Variants in PCDH11X observed in about 807,000 individuals in gnomAD.
The protein encoded by PCDH11X is protocadherin-11 X-linked.
Under a neutral mutation model 53.3 loss-of-function variants are expected in PCDH11X, and 18 were observed. The ratio of observed to expected loss-of-function variants is 0.34; its 90% confidence interval spans 0.23 to 0.50. The LOEUF (loss-of-function observed/expected upper bound fraction) is 0.50, where lower values mean the gene tolerates loss of function less well. PCDH11X is among the 20% of genes least tolerant of loss of function. The pLI is 0.98. For missense variants in PCDH11X, 570 were observed against 1,032.4 expected (o/e 0.55, Z 6.14); for synonymous variants, 279 against 393.3 (o/e 0.71, Z 3.44).
intron 8 of PCDH11X, among the ~76,000 whole-genome samples, chrX:92,350,559 G>A (rs12848607): frequency 2.7e-5 from 3 of 111,686 alleles, no homozygotes; most frequent in Admixed American, 9.5e-5. Flanking sequence ...GATGTGTACC[G>A]TCTTCACGTC....
chrX:92,579,568 G>T (rs1208425546), intron 10 of PCDH11X, among the ~76,000 whole-genome samples: 30 of 111,136 alleles, frequency 2.7e-4, no homozygotes, highest in African/African-American at 9.8e-4. Flanking sequence ...GAATTGTGAA[G>T]TTCTTGTGTT....
chrX:92,443,868 A>G (rs1426702590), intron 9 of PCDH11X, among the ~76,000 whole-genome samples: 7 of 111,371 alleles, frequency 6.3e-5, no homozygotes, highest in African/African-American at 2.3e-4. Context: ...TGGGTTCTCT[A>G]TCCTGTTTCA....
chrX:92,159,274 G>T (rs181881467), intron 6 of PCDH11X, among the ~76,000 whole-genome samples: 37 of 110,276 alleles, frequency 3.4e-4, no homozygotes, highest in African/African-American at 1.2e-3. Context: ...AGATGTGGAT[G>T]TAGGAGGTTT....
Position 92,201,243 on chromosome X carries a change from A to G in PCDH11X, c.3034-132A>G, listed in dbSNP as rs2066385477. ...TAACCATTTGTTACATAAATAAACT[A>G]TGATGTCTAAAAAGAGATAATCTAC... is the stretch of plus-strand genomic sequence containing the variant. On this transcript the variant is annotated intron_variant, in intron 6 of 10. Transcript: ENST00000682573. 1.7e-5 allele frequency: 15 copies of G among 878,510 alleles called. No homozygotes were observed. The South Asian group carries it at 2.6e-4, about 15-fold the overall frequency. The allele number at this position is 878,510 out of a possible 1,213,427, so 72.4% of individuals were successfully genotyped here.
At chrX:92,573,580 G>A (rs1922463719) in intron 10 of PCDH11X, among the ~76,000 whole-genome samples, 1 of 109,860 alleles carries the variant, frequency 9.1e-6, no homozygotes, top group African/African-American at 3.3e-5. Context: ...AAATCAAAAA[G>A]CTATTTTAAC....
chrX:92,104,342 C>A (rs2064329173), intron 6 of PCDH11X, among the ~76,000 whole-genome samples: 1 of 110,039 alleles, frequency 9.1e-6, no homozygotes, highest in South Asian at 4.0e-4. Context: ...CTCAGCGACA[C>A]TTGGGGTTGG....
At chrX:92,069,228 C>T (rs1176107315) in intron 6 of PCDH11X, among the ~76,000 whole-genome samples, 1 of 109,457 alleles carries the variant, frequency 9.1e-6, no homozygotes, top group Non-Finnish European at 1.9e-5. Flanking sequence ...TGTATAATGA[C>T]CATTATTGTG....
chrX:92,464,265 C>T (rs2073112228), intron 9 of PCDH11X, among the ~76,000 whole-genome samples: 1 of 111,110 alleles, frequency 9.0e-6, no homozygotes, highest in African/African-American at 3.3e-5. Flanking sequence ...GCTGTGTCCC[C>T]ACCCAAATCT....
At chrX:92,072,376 A>G (rs2063715609) in intron 6 of PCDH11X, among the ~76,000 whole-genome samples, 2 of 110,877 alleles carry the variant, frequency 1.8e-5, no homozygotes. Flanking sequence ...TTGCCCTATA[A>G]CCACCACTGC....
chrX:91,840,368 T>A (rs1937482741), intron 5 of PCDH11X, among the ~76,000 whole-genome samples: 1 of 111,460 alleles, frequency 9.0e-6, no homozygotes, highest in Non-Finnish European at 1.9e-5. Context: ...AGATCAACTT[T>A]TTCTCAGGTT....
rs1214866656 is a variant in PCDH11X, at chrX:92,622,312, T to C, written c.*3372T>C. 1 of 109,357 alleles carries C rather than the reference T, an allele frequency of 9.1e-6. No homozygotes were observed. The highest frequency in any genetic ancestry group is 1.9e-5 in the Non-Finnish European group (1 of 52,430). 9.0% of individuals were successfully genotyped at this position (109,357 alleles called of 1,213,427 possible). A position where few individuals can be genotyped will look rare whatever the true frequency, so the allele number is the denominator to read the frequency against. On this transcript the variant is annotated 3_prime_UTR_variant, in exon 11 of 11. Coordinates refer to ENST00000682573, the MANE Select transcript of PCDH11X (RefSeq NM_032968.5). ...ATCACAAATTGTTCAGTTCTTAAAA[T>C]GTAATTATGTCACACACACAAAAAA...
At chrX:91,884,275 G>A (rs1485268639) in intron 6 of PCDH11X, among the ~76,000 whole-genome samples, 1 of 109,393 alleles carries the variant, frequency 9.1e-6, no homozygotes. Flanking sequence ...CAAAGAAAGA[G>A]GTCCTTTCTA....
At chrX:92,101,082 T>C (rs1602918272) in intron 6 of PCDH11X, among the ~76,000 whole-genome samples, 1 of 111,752 alleles carries the variant, frequency 8.9e-6, no homozygotes, top group Non-Finnish European at 1.9e-5. Context: ...CAAAGATTAT[T>C]TATTTACTTC....
chrX:92,547,945 G>A (rs1035041913), intron 10 of PCDH11X, among the ~76,000 whole-genome samples: 2 of 109,251 alleles, frequency 1.8e-5, no homozygotes, highest in Non-Finnish European at 3.8e-5. Context: ...TGGCAATACA[G>A]AAATTACATT....
intron 6 of PCDH11X, among the ~76,000 whole-genome samples, chrX:92,043,812 T>C (rs2759780): frequency 1.8e-5 from 2 of 111,571 alleles, no homozygotes. Flanking sequence ...CATCCTATCA[T>C]AGGCATAACT....
intron 9 of PCDH11X, among the ~76,000 whole-genome samples, chrX:92,424,084 T>A (rs1288735403): frequency 1.0e-5 from 1 of 96,775 alleles, no homozygotes; most frequent in African/African-American, 3.4e-5. Context: ...GGCAGCATGG[T>A]ACCTTTCACA....
intron 9 of PCDH11X, among the ~76,000 whole-genome samples, chrX:92,425,674 A>G (rs2072091010): frequency 1.0e-5 from 1 of 99,800 alleles, no homozygotes; most frequent in Non-Finnish European, 2.0e-5. Context: ...GGGGTTTTAA[A>G]CCATAAGAAG....
chrX:92,446,478 T>A (rs1239043712), intron 9 of PCDH11X, among the ~76,000 whole-genome samples: 1 of 111,025 alleles, frequency 9.0e-6, no homozygotes, highest in Non-Finnish European at 1.9e-5. Context: ...CTTGTGATAC[T>A]GAATGAGTCT....
intron 8 of PCDH11X, among the ~76,000 whole-genome samples, chrX:92,383,714 C>G (rs1316255856): frequency 8.9e-6 from 1 of 111,844 alleles, no homozygotes; most frequent in East Asian, 2.8e-4. Flanking sequence ...TTTTCTTAAT[C>G]CAGTCTATCA....
Sources: allele counts gnomAD v4.1 joint callset (sites outside exome capture counted in the v4.1 genomes callset), GRCh38; gene constraint gnomAD v4.1.1; transcripts MANE v1.5; gene names NCBI Gene and HGNC (gene_info 2026-07-23, HGNC 2026-07-21).